The following GNA14 variants were observed in gnomAD, a reference collection of about 807,000 sequenced individuals.
The protein encoded by GNA14 is guanine nucleotide-binding protein subunit alpha-14.
GNA14 carries 50 observed loss-of-function variants against 42.0 expected under a neutral mutation model. That is an observed-to-expected ratio of 1.19 (90% CI 0.95 to 1.51). GNA14 has a LOEUF of 1.51. Among genes scored for constraint, GNA14 ranks in the 40% most tolerant of loss-of-function variants. The pLI, the probability that GNA14 is intolerant of heterozygous loss-of-function variation, is 0.00. For missense variants in GNA14, 473 were observed against 446.2 expected, an observed-to-expected ratio of 1.06 and a Z score of -0.54; for synonymous variants, 173 against 163.1, an observed-to-expected ratio of 1.06 and a Z score of -0.46.
At chr9:77,595,252 T>C (rs527784836) in intron 1 of GNA14, among the ~76,000 whole-genome samples, 41 of 152,230 alleles carry the variant, frequency 2.7e-4, no homozygotes, top group African/African-American at 9.6e-4. Context: ...GATTTATTCC[T>C]TGGCTTAGGT....
intron 2 of GNA14, among the ~76,000 whole-genome samples, chr9:77,451,775 G>C (rs895536512): frequency 1.3e-5 from 2 of 152,226 alleles, no homozygotes; most frequent in African/African-American, 4.8e-5. Context: ...GAGATTCTTT[G>C]TTGTAATCAG....
intron 1 of GNA14, among the ~76,000 whole-genome samples, chr9:77,595,635 T>C (rs975209754): frequency 6.6e-6 from 1 of 152,222 alleles, no homozygotes; most frequent in Non-Finnish European, 1.5e-5. Flanking sequence ...TGTGTGATTA[T>C]AAAACATTGC....
chr9:77,632,552 G>A (rs575841790), intron 1 of GNA14, among the ~76,000 whole-genome samples: 1 of 152,302 alleles, frequency 6.6e-6, no homozygotes, highest in African/African-American at 2.4e-5. Flanking sequence ...GAGGAGAGAA[G>A]AGCTGTGGCC....
intron 4 of GNA14, among the ~76,000 whole-genome samples, chr9:77,430,126 C>T (rs918922571): frequency 6.6e-6 from 1 of 152,164 alleles, no homozygotes; most frequent in Non-Finnish European, 1.5e-5. Flanking sequence ...AGCAGGGAAC[C>T]GATCTTGAAA....
rs529046653 is a variant in GNA14 at position 77,547,402 on chromosome 9, C to T, written c.125-18149G>A. Among the ~76,000 whole-genome samples the T allele has an allele frequency of 5.8e-4, 89 of 152,152 alleles. 1 individual carries two copies. The highest frequency in any genetic ancestry group is 3.4e-3 in the Middle Eastern group (1 of 294). On this transcript the variant is annotated intron_variant, in intron 1 of 6. Coordinates refer to ENST00000341700, the MANE Select transcript of GNA14 (RefSeq NM_004297.4). The stretch of plus-strand genomic sequence containing the variant: ...TATATAAAAAGGAATTCCGTTGTTA[C>T]AAGAAAAAAAGAGGTAAAATTAGCT...
At chr9:77,467,905 TA>T (rs564048183) in intron 2 of GNA14, among the ~76,000 whole-genome samples, 1 of 152,140 alleles carries the variant, frequency 6.6e-6, no homozygotes, top group Non-Finnish European at 1.5e-5. Flanking sequence ...TTTCATCCAT[TA>T]AAGCACACTC....
At chr9:77,445,100 C>A (rs772274030) in intron 2 of GNA14, among the ~76,000 whole-genome samples, 1 of 152,196 alleles carries the variant, frequency 6.6e-6, no homozygotes, top group Non-Finnish European at 1.5e-5. Context: ...ACTAGTACTT[C>A]CCACTAGAGG....
At chr9:77,504,307 C>G (rs1237964550) in intron 2 of GNA14, among the ~76,000 whole-genome samples, 1 of 152,086 alleles carries the variant, frequency 6.6e-6, no homozygotes, top group Non-Finnish European at 1.5e-5. Context: ...TGAGACTATA[C>G]AAACCAGATC....
At chr9:77,449,341 G>T (rs1317271005) in intron 2 of GNA14, among the ~76,000 whole-genome samples, 2 of 152,192 alleles carry the variant, frequency 1.3e-5, no homozygotes, top group African/African-American at 4.8e-5. Flanking sequence ...GTGACTGTAT[G>T]TAGTAACATT....
At chr9:77,603,348 C>T (rs918601175) in intron 1 of GNA14, among the ~76,000 whole-genome samples, 5 of 152,094 alleles carry the variant, frequency 3.3e-5, no homozygotes, top group Non-Finnish European at 5.9e-5. Context: ...AGGAGGAGCT[C>T]AAGTTCCAGG....
intron 1 of GNA14, among the ~76,000 whole-genome samples, chr9:77,643,164 ACTAAG>A (rs1034709769): frequency 4.6e-5 from 7 of 152,050 alleles, no homozygotes; most frequent in African/African-American, 1.7e-4. Flanking sequence ...GTTGCATTGA[ACTAAG>A]CTCAGATAAA....
At chr9:77,546,903 G>A (rs1385409548) in intron 1 of GNA14, among the ~76,000 whole-genome samples, 1 of 152,160 alleles carries the variant, frequency 6.6e-6, no homozygotes, top group East Asian at 1.9e-4. Context: ...GGGCAGCCTC[G>A]GTTTATAACC....
intron 6 of GNA14, 116 bp from the exon 7 acceptor site, chr9:77,424,285 C>T (rs527607490): frequency 4.3e-5 from 27 of 627,022 alleles, no homozygotes; most frequent in Middle Eastern, 4.0e-4. Context: ...TGCAGTGGCA[C>T]GGTCTCAGCT....
chr9:77,436,297 G>A (rs960803098), intron 2 of GNA14, among the ~76,000 whole-genome samples: 2 of 152,122 alleles, frequency 1.3e-5, no homozygotes, highest in Non-Finnish European at 2.9e-5. Context: ...AGTGTAGTTG[G>A]GACTTTTAAG....
At chr9:77,559,515 G>T (rs1012089085) in intron 1 of GNA14, among the ~76,000 whole-genome samples, 8 of 152,136 alleles carry the variant, frequency 5.3e-5, no homozygotes, top group African/African-American at 1.9e-4. Context: ...CCAGGAGAAG[G>T]GCACAGCTTA....
intron 2 of GNA14, among the ~76,000 whole-genome samples, chr9:77,523,061 C>A (rs191319142): frequency 1.3e-5 from 2 of 152,252 alleles, no homozygotes; most frequent in Admixed American, 1.3e-4. Context: ...AAAATGCTTT[C>A]TGAAGACAAA....
At chr9:77,477,375 A>G (rs894882949) in intron 2 of GNA14, among the ~76,000 whole-genome samples, 2 of 152,092 alleles carry the variant, frequency 1.3e-5, no homozygotes, top group African/African-American at 4.8e-5. Flanking sequence ...AAAGAAAGAA[A>G]ACAGATATGT....
chr9:77,557,854 C>G (rs1256332168), intron 1 of GNA14, among the ~76,000 whole-genome samples: 1 of 152,088 alleles, frequency 6.6e-6, no homozygotes, highest in Non-Finnish European at 1.5e-5. Flanking sequence ...CTATTTATGA[C>G]CATATTTTTA....
intron 1 of GNA14, among the ~76,000 whole-genome samples, chr9:77,570,699 A>G (rs112150939): frequency 0.024 from 3,701 of 152,254 alleles, 63 homozygotes; most frequent in Middle Eastern, 0.068. Context: ...TGCTATGCAC[A>G]TTCATGTACA....
Sources: gnomAD v4.1 joint callset for allele counts (sites outside exome capture counted in the v4.1 genomes callset) on GRCh38, gnomAD v4.1.1 for gene constraint, MANE v1.5 for transcripts, NCBI Gene and HGNC (gene_info 2026-07-23, HGNC 2026-07-21) for gene names.